PLD5: variants seen among roughly 807,000 people sequenced by gnomAD.
PLD5 encodes inactive phospholipase D5.
In PLD5, 36 loss-of-function variants were observed where a neutral mutation model predicts 61.1. The ratio of observed to expected loss-of-function variants is 0.59; its 90% CI spans 0.45 to 0.78. The LOEUF (loss-of-function observed/expected upper bound fraction) is 0.78. Among genes scored for constraint, PLD5 ranks in the 30% least tolerant of loss-of-function variants. The pLI is 0.00. For synonymous variants in PLD5, 243 were observed against 242.8 expected (o/e 1.00, Z -0.01); for missense variants, 515 against 644.4 (o/e 0.80, Z 2.17).
intron 2 of PLD5, among the ~76,000 whole-genome samples, chr1:242,339,615 T>A (rs143409979): frequency 4.9e-4 from 74 of 152,308 alleles, no homozygotes; most frequent in African/African-American, 1.6e-3. Context: ...CTATACAAGC[T>A]CAGAATAAAT....
At chr1:242,336,727 T>C (rs1004275834) in intron 2 of PLD5, among the ~76,000 whole-genome samples, 5 of 152,084 alleles carry the variant, frequency 3.3e-5, no homozygotes, top group Admixed American at 3.3e-4. Flanking sequence ...TTATCATCTG[T>C]ATATATTAGT....
At chr1:242,519,818 G>C (rs917116980) in intron 1 of PLD5, among the ~76,000 whole-genome samples, 1 of 152,164 alleles carries the variant, frequency 6.6e-6, no homozygotes, top group African/African-American at 2.4e-5. Flanking sequence ...CAGCCTTGCC[G>C]ACCAAAGGAC....
At chr1:242,507,766 C>A (rs189428784) in intron 1 of PLD5, among the ~76,000 whole-genome samples, 2 of 152,282 alleles carry the variant, frequency 1.3e-5, no homozygotes, top group Non-Finnish European at 2.9e-5. Context: ...AGATAAATAG[C>A]CCAAATAACA....
intron 1 of PLD5, among the ~76,000 whole-genome samples, chr1:242,509,092 A>G (rs1668821601): frequency 6.6e-6 from 1 of 151,502 alleles, no homozygotes; most frequent in Non-Finnish European, 1.5e-5. Context: ...AAATAAATAA[A>G]TAGGCTGGGA....
At position 242,084,167 on chromosome 1, in the gene PLD5, CTG is replaced by C. The variant is rs1445181905; in HGVS notation, c.*5685_*5686del. 1 of 152,006 alleles carries C rather than the reference CTG, an allele frequency of 6.6e-6. No homozygotes were observed. Among genetic ancestry groups the C allele is most frequent in the Non-Finnish European group, 1.5e-5 (1 of 68,024 alleles). 9.4% of individuals were successfully genotyped at this position (152,006 alleles called of 1,614,324 possible). On this transcript the variant is annotated 3_prime_UTR_variant, in exon 10 of 10. Coordinates refer to ENST00000536534, the MANE Select transcript of PLD5 (RefSeq NM_001372062.1). ...CTCCTTGTACATGACTGTCATCGCACTGTTAGCCCATTTTTTTAAAAAAAAAC... is the reference window on the plus strand; with the variant it reads ...CTCCTTGTACATGACTGTCATCGCACTTAGCCCATTTTTTTAAAAAAAAAC...
intron 1 of PLD5, among the ~76,000 whole-genome samples, chr1:242,436,579 G>A (rs1234547364): frequency 6.6e-6 from 1 of 152,110 alleles, no homozygotes; most frequent in Non-Finnish European, 1.5e-5. Context: ...AAAGGACACA[G>A]ACAAAAAAGT....
chr1:242,378,456 C>T (rs1319819793), intron 1 of PLD5, among the ~76,000 whole-genome samples: 4 of 152,072 alleles, frequency 2.6e-5, no homozygotes, highest in East Asian at 1.9e-4. Flanking sequence ...AGCACAACAA[C>T]GTGAATGTAC....
At chr1:242,113,084 C>CTTTTTTTTT (rs71570931) in intron 7 of PLD5, among the ~76,000 whole-genome samples, 57 of 110,652 alleles carry the variant, frequency 5.2e-4, no homozygotes, top group Non-Finnish European at 7.0e-4. Flanking sequence ...CTCTCTCTCT[C>CTTTTTTTTT]TTTTTTTTTT....
intron 5 of PLD5, among the ~76,000 whole-genome samples, chr1:242,149,036 C>T (rs1032854624): frequency 8.4e-5 from 5 of 59,774 alleles, no homozygotes; most frequent in African/African-American, 5.8e-4. Flanking sequence ...CTAGCTATGA[C>T]TTCCAGTACA....
At chr1:242,429,585 G>A (rs1215497758) in intron 1 of PLD5, among the ~76,000 whole-genome samples, 3 of 152,110 alleles carry the variant, frequency 2.0e-5, no homozygotes, top group Non-Finnish European at 4.4e-5. Flanking sequence ...CATGGCTGCA[G>A]CTATCCATAA....
intron 5 of PLD5, among the ~76,000 whole-genome samples, chr1:242,169,507 A>T (rs1366956700): frequency 6.6e-6 from 1 of 151,846 alleles, no homozygotes; most frequent in African/African-American, 2.4e-5. Flanking sequence ...GTGACCATTC[A>T]TGCAGACACT....
chr1:242,289,593 TC>T (rs1016776249), intron 2 of PLD5, among the ~76,000 whole-genome samples: 2 of 151,688 alleles, frequency 1.3e-5, no homozygotes, highest in Non-Finnish European at 2.9e-5. Flanking sequence ...CCTCTCATGA[TC>T]CCCCCCTGCC....
chr1:242,390,136 G>C (rs928827376), intron 1 of PLD5, among the ~76,000 whole-genome samples: 2 of 147,996 alleles, frequency 1.4e-5, no homozygotes, highest in Non-Finnish European at 3.0e-5. Flanking sequence ...TCAGCTCACT[G>C]CAGTCTCTGC....
rs570530486 is a variant in PLD5 at position 242,519,042 on chromosome 1, C to A, written c.189+5046G>T. 1.8e-4 allele frequency among the ~76,000 whole-genome samples: 27 copies of A among 152,294 alleles called. No homozygotes were observed. In the East Asian group the frequency reaches 5.0e-3, roughly 28 times the overall value. ...CTTGTCTGTGTTGTTTATCTAAAACCGCAGGAAATGATCCCAGTAAATGTT... is the reference window on the plus strand; with the variant it reads ...CTTGTCTGTGTTGTTTATCTAAAACAGCAGGAAATGATCCCAGTAAATGTT... On this transcript the variant is annotated intron_variant, in intron 1 of 9. Transcript: ENST00000536534.
At chr1:242,327,802 C>G (rs897506506) in intron 2 of PLD5, among the ~76,000 whole-genome samples, 2 of 152,142 alleles carry the variant, frequency 1.3e-5, no homozygotes, top group African/African-American at 4.8e-5. Flanking sequence ...ATTAAAAACT[C>G]TATCAAGAAC....
chr1:242,522,802 C>T (rs531734379), intron 1 of PLD5, among the ~76,000 whole-genome samples: 3 of 152,314 alleles, frequency 2.0e-5, no homozygotes, highest in African/African-American at 4.8e-5. Flanking sequence ...CCTTCAGCGA[C>T]TTCCATAGTC....
chr1:242,443,176 C>G lies in PLD5; in HGVS notation c.189+80912G>C, dbSNP rs191114250. Reference sequence around the variant, plus strand: ...GATGTGATTCCCCCCTTTTCCCTATCAGGTATTTTATCTATCTCTTAAGAC... The same window carrying G: ...GATGTGATTCCCCCCTTTTCCCTATGAGGTATTTTATCTATCTCTTAAGAC... On this transcript the variant is annotated intron_variant, in intron 1 of 9. Coordinates refer to ENST00000536534, the MANE Select transcript of PLD5 (RefSeq NM_001372062.1). Among the ~76,000 whole-genome samples the G allele has an allele frequency of 2.0e-5, 3 of 152,188 alleles. No individual in the cohort carries two copies. The East Asian group carries it at 5.8e-4, about 29-fold the overall frequency.
chr1:242,384,641 A>G (rs934815538), intron 1 of PLD5, among the ~76,000 whole-genome samples: 1 of 152,190 alleles, frequency 6.6e-6, no homozygotes, highest in African/African-American at 2.4e-5. Context: ...GATACAAACA[A>G]TCTACGCAAA....
chr1:242,295,971 T>C (rs1290236244), intron 2 of PLD5, among the ~76,000 whole-genome samples: 1 of 152,148 alleles, frequency 6.6e-6, no homozygotes, highest in African/African-American at 2.4e-5. Flanking sequence ...AACGAAAGGG[T>C]TTGAACTAAT....
Sources: allele counts gnomAD v4.1 joint callset (sites outside exome capture counted in the v4.1 genomes callset), GRCh38; gene constraint gnomAD v4.1.1; transcripts MANE v1.5; gene names NCBI Gene and HGNC (gene_info 2026-07-23, HGNC 2026-07-21).